Variants in ITGB1BP2 observed in about 807,000 individuals in gnomAD.
ITGB1BP2 encodes integrin subunit beta 1 binding protein 2.
A neutral mutation model predicts 32.2 loss-of-function variants in ITGB1BP2; 27 were observed. The observed-to-expected ratio is 0.84, with a 90% CI of 0.62 to 1.16. The LOEUF is 1.16. Among genes scored for constraint, ITGB1BP2 ranks in the 50% most tolerant of loss-of-function variants. The probability of loss-of-function intolerance (pLI) is 0.00; values close to 1 mark genes in which losing one functional copy is unlikely to be tolerated. For synonymous variants in ITGB1BP2, 105 were observed against 94.7 expected, an observed-to-expected ratio of 1.11 and a Z score of -0.63; for missense variants, 250 against 267.3, an observed-to-expected ratio of 0.94 and a Z score of 0.45.
Position 71,303,886 on chromosome X carries a change from T to C in ITGB1BP2, c.614T>C (p.Val205Ala), listed in dbSNP as rs914444506. 1.7e-6 allele frequency: 2 copies of C among 1,204,509 alleles called. No individual in the cohort carries two copies. Among genetic ancestry groups the C allele is most frequent in the Admixed American group, 2.2e-5 (1 of 45,149 alleles). ...TTCTTGGCACAACCAGGGTGCAGAG[T>C]CGGTAGACATGACTGGGGGAAGCAG... is the stretch of plus-strand genomic sequence containing the variant. ...GAFLAQPGCR[V>A]GRHDWGKQLP... The change falls in exon 8 of 11, where the codon GTC becomes GCC. Residue 205 changes from valine (V) to alanine (A), a missense_variant. By Grantham distance (64) the Val-to-Ala change is moderately conservative. Transcript: ENST00000373829.
chrX:71,303,537 G>T, intron 6 of ITGB1BP2, 21 bp downstream of exon 6: 2 of 1,210,449 alleles, frequency 1.7e-6, no homozygotes, highest in Non-Finnish European at 2.2e-6. Flanking sequence ...GTTTTGAGGG[G>T]CTCAAGCATA....
Position 71,302,528 on chromosome X carries a change from G to T in ITGB1BP2, c.289G>T (p.Ala97Ser), listed in dbSNP as rs1321913489. Residue 97 changes from alanine to serine, a missense_variant, in exon 4 of 11, where the codon GCA (alanine) becomes TCA (serine). Physicochemically the swap from Ala to Ser is moderately conservative, Grantham distance 99 (BLOSUM62 1). Transcript: ENST00000373829. ...QKPLNVIPKS[A>S]ETLRRERPKS... ...ACCTCTGAATGTGATTCCAAAGTCAGCAGAGACCTTGCGCCGGGAGAGGCC... is the reference window on the plus strand; with the variant it reads ...ACCTCTGAATGTGATTCCAAAGTCATCAGAGACCTTGCGCCGGGAGAGGCC... 1.7e-6 allele frequency: 2 copies of T among 1,207,518 alleles called. No homozygotes were observed. Among genetic ancestry groups the T allele is most frequent in the South Asian group, 3.5e-5 (2 of 56,505 alleles).
intron 4 of ITGB1BP2, among the ~76,000 whole-genome samples, 161 bp downstream of exon 4, chrX:71,302,717 T>C (rs1487750493): frequency 9.0e-6 from 1 of 111,159 alleles, no homozygotes; most frequent in Admixed American, 9.6e-5. Flanking sequence ...GAAATTTGTG[T>C]CTGGAAATAA....
At chrX:71,303,172 C>T in intron 4 of ITGB1BP2, 90 bp from the exon 5 acceptor site, 1 of 830,131 alleles carries the variant, frequency 1.2e-6, no homozygotes, top group South Asian at 2.6e-5. Context: ...TTTCACCAGG[C>T]TTCTTTAATT....
chrX:71,304,464 T>G, intron 9 of ITGB1BP2, 78 bp from the exon 10 acceptor site: 1 of 1,030,513 alleles, frequency 9.7e-7, no homozygotes, highest in Non-Finnish European at 1.4e-6. Flanking sequence ...GGATCATACC[T>G]CTGACCTGGT....
Position 71,301,967 on chromosome X carries a change from A to G in ITGB1BP2, c.64+97A>G, listed in dbSNP as rs2031618284. 7 of 901,570 alleles carry G rather than the reference A, an allele frequency of 7.8e-6. No homozygotes were observed. In the South Asian group the frequency reaches 1.3e-4, roughly 17 times the overall value. 74.3% of individuals were successfully genotyped at this position (901,570 alleles called of 1,213,427 possible). A position where few individuals can be genotyped will look rare whatever the true frequency, so the allele number is the denominator to read the frequency against. ...TGTTTGAGGAGCGGGGAAAGAAACT[A>G]CCTGCCCTAGTTTAATTGGTCTGAG... On this transcript the variant is annotated intron_variant, in intron 1 of 10. Transcript: ENST00000373829.
intron 7 of ITGB1BP2, 42 bp downstream of exon 7, chrX:71,303,739 G>A (rs769780299): frequency 1.7e-6 from 2 of 1,184,417 alleles, no homozygotes; most frequent in South Asian, 1.8e-5. Flanking sequence ...TATGAGACAG[G>A]TTTCTCCTAA....
At position 71,305,004 on chromosome X, in the gene ITGB1BP2, T is replaced by G; in HGVS notation, c.856T>G (p.Ser286Ala). 8.3e-7 allele frequency: 1 copy of G among 1,211,429 alleles called. No homozygotes were observed. Among genetic ancestry groups the G allele is most frequent in the Non-Finnish European group, 1.1e-6 (1 of 895,250 alleles). The change falls in exon 11 of 11, where the codon TCT (serine) becomes GCT (alanine). Residue 286 changes from serine (S) to alanine (A), a missense_variant. Transcript: ENST00000373829. ...GCAGAGCTCTGTCTTCTTGATGCCA[T>G]CTCGGGTTGAAATCTCCCTGGTCAA... ...VEQSSVFLMP[S>A]RVEISLVKAD...
intron 3 of ITGB1BP2, 28 bp from the exon 4 acceptor site, chrX:71,302,383 C>A: frequency 8.3e-7 from 1 of 1,207,896 alleles, no homozygotes; most frequent in East Asian, 3.0e-5. Flanking sequence ...GGATTCTATC[C>A]CTAATCCTAT....
rs775516994 is a variant in ITGB1BP2, at chrX:71,301,836, T to C, written c.30T>C (p.Cys10=). 6 of 1,207,821 alleles carry C rather than the reference T, an allele frequency of 5.0e-6. No homozygotes were observed. The Admixed American group carries it at 1.1e-4, about 22-fold the overall frequency. ...CTCTACTCTGTCGTAACAAAGGCTG[T>C]GGGCAGCACTTTGACCCTAATACCA... MSLLCRNKG[C]GQHFDPNTNL... The change falls in exon 1 of 11, where the codon TGT becomes TGC. Residue 10 remains cysteine, a synonymous_variant. Coordinates refer to ENST00000373829, the MANE Select transcript of ITGB1BP2 (RefSeq NM_012278.4).
intron 6 of ITGB1BP2, 55 bp downstream of exon 6, chrX:71,303,571 G>A: frequency 8.3e-7 from 1 of 1,203,382 alleles, no homozygotes; most frequent in Non-Finnish European, 1.1e-6. Context: ...ACTGGGTATA[G>A]ATAGGCTGAG....
rs1314166113 is a variant in ITGB1BP2, at chrX:71,305,045, C to T, written c.897C>T (p.Ser299=). The T allele has an allele frequency of 3.3e-6, 4 of 1,209,444 alleles. No individual in the cohort carries two copies. The Admixed American group carries it at 6.6e-5, about 20-fold the overall frequency. Residue 299 remains serine (S), a synonymous_variant, in exon 11 of 11, where the codon TCC becomes TCT. Transcript: ENST00000373829. The part of the protein sequence containing the change: ...EISLVKADPG[S]WAQLEHPDAL... ...CCCTGGTCAAGGCTGACCCAGGATC[C>T]TGGGCCCAGCTGGAGCACCCTGATG... is the stretch of plus-strand genomic sequence containing the variant.
chrX:71,303,418 G>C (rs370820890), intron 5 of ITGB1BP2, 43 bp from the exon 6 acceptor site: 1 of 1,209,749 alleles, frequency 8.3e-7, no homozygotes, highest in Non-Finnish European at 1.1e-6. Context: ...TGGCAATTGA[G>C]TGGGGGGATG....
chrX:71,301,987 T>C (rs2031618802), intron 1 of ITGB1BP2, 117 bp downstream of exon 1: 1 of 872,012 alleles, frequency 1.1e-6, no homozygotes, highest in Non-Finnish European at 1.6e-6. Context: ...GTTTAATTGG[T>C]CTGAGTGATC....
At chrX:71,304,098 CT>C in intron 8 of ITGB1BP2, 88 bp from the exon 9 acceptor site, 2 of 779,653 alleles carry the variant, frequency 2.6e-6, no homozygotes, top group Non-Finnish European at 3.8e-6. Flanking sequence ...CTTTTTGAGA[CT>C]CTCTGTCTCT....
At position 71,301,795 on chromosome X, in the gene ITGB1BP2, A is replaced by G. The variant is rs2031613093; in HGVS notation, c.-12A>G. The G allele has an allele frequency of 8.3e-7, 1 of 1,205,682 alleles. No homozygotes were observed. Among genetic ancestry groups the G allele is most frequent in the Non-Finnish European group, 1.1e-6 (1 of 890,543 alleles). ...GAAATACCCTTTCAGTAATCATTCA[A>G]CCAACGCTTCCATGTCTCTACTCTG... On this transcript the variant is annotated 5_prime_UTR_variant, in exon 1 of 11. Coordinates refer to ENST00000373829, the MANE Select transcript of ITGB1BP2 (RefSeq NM_012278.4).
chrX:71,302,278 G>A lies in ITGB1BP2; in HGVS notation c.116G>A (p.Gly39Asp), dbSNP rs765749338. The part of the protein sequence containing the change: ...GVPIFHDALK[G>D]WSCCRKRTVD... ...CTGATCTGGGTCTCTTGTTATCAGGGTTGGTCCTGCTGCCGAAAGCGAACT... is the reference window on the plus strand; with the variant it reads ...CTGATCTGGGTCTCTTGTTATCAGGATTGGTCCTGCTGCCGAAAGCGAACT... Residue 39 changes from glycine to aspartate, a missense_variant and splice_region_variant, in exon 3 of 11, where the codon GGT becomes GAT. Coordinates refer to ENST00000373829, the MANE Select transcript of ITGB1BP2 (RefSeq NM_012278.4). 2 of 1,211,247 alleles carry A rather than the reference G, an allele frequency of 1.7e-6. No homozygotes were observed. The highest frequency in any genetic ancestry group is 2.2e-6 in the Non-Finnish European group (2 of 895,348).
chrX:71,301,982 A>G (rs867891265), intron 1 of ITGB1BP2, 112 bp downstream of exon 1: 1 of 890,461 alleles, frequency 1.1e-6, no homozygotes, highest in Middle Eastern at 3.0e-4. Flanking sequence ...CCCTAGTTTA[A>G]TTGGTCTGAG....
intron 1 of ITGB1BP2, 87 bp downstream of exon 1, chrX:71,301,957 G>A: frequency 1.1e-6 from 1 of 931,520 alleles, no homozygotes; most frequent in Non-Finnish European, 1.5e-6. Flanking sequence ...GAGGAGCGGG[G>A]AAAGAAACTA....
Sources: gnomAD v4.1 joint callset for allele counts (sites outside exome capture counted in the v4.1 genomes callset) on GRCh38, gnomAD v4.1.1 for gene constraint, MANE v1.5 for transcripts, NCBI Gene and HGNC (gene_info 2026-07-23, HGNC 2026-07-21) for gene names.